Variants in MTHFD1 observed in about 807,000 individuals in gnomAD.
MTHFD1 encodes C-1-tetrahydrofolate synthase, cytoplasmic.
Under a neutral mutation model 110.3 loss-of-function variants are expected in MTHFD1, and 44 were observed. The ratio of observed to expected loss-of-function variants is 0.40; its 90% CI spans 0.31 to 0.51. The LOEUF (loss-of-function observed/expected upper bound fraction) is 0.51. Ranked by LOEUF, MTHFD1 falls within the 20% of genes least tolerant of loss-of-function variation. The pLI is 0.60. For missense variants in MTHFD1, 909 were observed against 1,173.1 expected (o/e 0.77, Z 3.29); for synonymous variants, 402 against 428.8 (o/e 0.94, Z 0.77).
chr14:64,434,860 C>T (rs1214883220), intron 15 of MTHFD1, among the ~76,000 whole-genome samples: 16 of 150,070 alleles, frequency 1.1e-4, no homozygotes, highest in Middle Eastern at 3.2e-3. Flanking sequence ...TGCTCTGTCA[C>T]CCAGGCTGTA....
chr14:64,449,785 A>G, intron 24 of MTHFD1, 163 bp downstream of exon 24: 1 of 816,852 alleles, frequency 1.2e-6, no homozygotes, highest in Non-Finnish European at 2.0e-6. Context: ...TCCCAGCTGT[A>G]GACAGCCTTC....
intron 23 of MTHFD1, chr14:64,448,610 C>G (rs2078317669): frequency 2.4e-6 from 1 of 421,902 alleles, no homozygotes. Flanking sequence ...GCCTTTTATG[C>G]TAACAGAAGG....
intron 1 of MTHFD1, among the ~76,000 whole-genome samples, chr14:64,390,796 G>A (rs1438912201): frequency 6.6e-6 from 1 of 152,132 alleles, no homozygotes; most frequent in Non-Finnish European, 1.5e-5. Context: ...CTACAGGTGT[G>A]TGCCACCCCG....
Position 64,424,940 on chromosome 14 carries a change from G to T in MTHFD1, c.855+9G>T, listed in dbSNP as rs751697441. On this transcript the variant is annotated intron_variant, in intron 9 of 27. Coordinates refer to ENST00000652337, the MANE Select transcript of MTHFD1 (RefSeq NM_005956.4). ...TTGCAATGCTCATGCAGGTAATTGT[G>T]AATAAAAGTTTCTATAAGAGTTCTG... The T allele has an allele frequency of 6.2e-7, 1 of 1,614,090 alleles. No individual in the cohort carries two copies. Among genetic ancestry groups the T allele is most frequent in the Non-Finnish European group, 8.5e-7 (1 of 1,180,018 alleles).
intron 15 of MTHFD1, among the ~76,000 whole-genome samples, chr14:64,433,756 C>T (rs1480400768): frequency 7.1e-6 from 1 of 140,744 alleles, no homozygotes; most frequent in African/African-American, 2.7e-5. Flanking sequence ...GGAGGCCAGG[C>T]GTGGTGGCTC....
chr14:64,421,949 A>G (rs2078077573), intron 8 of MTHFD1, among the ~76,000 whole-genome samples: 1 of 151,782 alleles, frequency 6.6e-6, no homozygotes, highest in East Asian at 1.9e-4. Flanking sequence ...AAAACCTCGC[A>G]TCTTCTGTAT....
chr14:64,435,116 A>G (rs2078195814), intron 15 of MTHFD1, among the ~76,000 whole-genome samples: 4 of 151,378 alleles, frequency 2.6e-5, no homozygotes, highest in Admixed American at 2.6e-4. Flanking sequence ...TGCCCAGCTA[A>G]TTTTTGTATT....
intron 1 of MTHFD1, among the ~76,000 whole-genome samples, chr14:64,397,700 A>T (rs1267345098): frequency 6.6e-6 from 1 of 152,172 alleles, no homozygotes; most frequent in Admixed American, 6.5e-5. Flanking sequence ...CTCTAAGCTT[A>T]TGGCACATTT....
chr14:64,416,905 T>C (rs1236253662), intron 6 of MTHFD1, among the ~76,000 whole-genome samples: 1 of 152,238 alleles, frequency 6.6e-6, no homozygotes, highest in Non-Finnish European at 1.5e-5. Context: ...AGTTACCTTT[T>C]AAAACTTTGA....
intron 21 of MTHFD1, among the ~76,000 whole-genome samples, chr14:64,444,440 C>T (rs1423621295): frequency 1.3e-5 from 2 of 152,114 alleles, no homozygotes; most frequent in African/African-American, 4.8e-5. Context: ...TCCACCTCTC[C>T]TGCCATCGAT....
intron 22 of MTHFD1, chr14:64,445,000 G>A (rs921230621): frequency 1.0e-5 from 5 of 499,622 alleles, no homozygotes; most frequent in African/African-American, 9.7e-5. Context: ...TTTGACCCCG[G>A]GGACATTTGG....
At chr14:64,423,918 G>A (rs1425320673) in intron 8 of MTHFD1, among the ~76,000 whole-genome samples, 3 of 151,854 alleles carry the variant, frequency 2.0e-5, no homozygotes, top group African/African-American at 7.3e-5. Flanking sequence ...TAGCAGAGAC[G>A]GGGTTTCACT....
intron 8 of MTHFD1, among the ~76,000 whole-genome samples, chr14:64,423,663 T>A (rs1243651983): frequency 6.8e-6 from 1 of 147,746 alleles, no homozygotes; most frequent in East Asian, 2.0e-4. Context: ...CCCAAAGTGC[T>A]GGCATTACAG....
intron 22 of MTHFD1, among the ~76,000 whole-genome samples, chr14:64,446,413 T>TC (rs2078289500): frequency 6.6e-6 from 1 of 152,168 alleles, no homozygotes; most frequent in Non-Finnish European, 1.5e-5. Context: ...ATTGGCCCAG[T>TC]CCCCCTTGGA....
intron 1 of MTHFD1, among the ~76,000 whole-genome samples, chr14:64,391,879 TG>T (rs995319173): frequency 1.3e-5 from 2 of 152,106 alleles, no homozygotes; most frequent in African/African-American, 4.8e-5. Context: ...AGTCTAATAG[TG>T]AACAAAACAG....
intron 18 of MTHFD1, chr14:64,440,572 C>A: frequency 2.4e-6 from 1 of 409,090 alleles, no homozygotes; most frequent in Non-Finnish European, 4.6e-6. Context: ...TCAAGAGTAC[C>A]ATTGCTTTAT....
rs150205662 is a variant in MTHFD1 at position 64,424,816 on chromosome 14, C to G, written c.740C>G (p.Pro247Arg). The G allele has an allele frequency of 8.6e-5, 139 of 1,613,978 alleles. No individual in the cohort carries two copies. In the African/African-American group the frequency reaches 1.2e-3, roughly 13 times the overall value. Residue 247 changes from proline (P) to arginine (R), a missense_variant, in exon 9 of 28, where the codon CCA becomes CGA. Coordinates refer to ENST00000652337, the MANE Select transcript of MTHFD1 (RefSeq NM_005956.4). Reference sequence around the variant, plus strand: ...CCCACTTGACCAGATGATAAAAAACCAAATGGGAGAAAAGTTGTGGGTGAT... The same window carrying G: ...CCCACTTGACCAGATGATAAAAAACGAAATGGGAGAAAAGTTGTGGGTGAT... ...GINYVPDDKK[P>R]NGRKVVGDVA...
Position 64,417,955 on chromosome 14 carries a change from T to A in MTHFD1, c.546T>A (p.His182Gln). The A allele has an allele frequency of 6.2e-7, 1 of 1,613,966 alleles. No homozygotes were observed. Among genetic ancestry groups the A allele is most frequent in the Non-Finnish European group, 8.5e-7 (1 of 1,180,010 alleles). ...GRSKIVGAPM[H>Q]DLLLWNNATV... is the part of the protein sequence containing the mutation. Reference sequence around the variant, plus strand: ...GTAAAATAGTTGGGGCCCCGATGCATGACTTGCTTCTGTGGAACAATGCCA... The same window carrying A: ...GTAAAATAGTTGGGGCCCCGATGCAAGACTTGCTTCTGTGGAACAATGCCA... The change falls in exon 7 of 28, where the codon CAT becomes CAA. Residue 182 changes from histidine to glutamine, a missense_variant. By Grantham distance (24) the His-to-Gln change is conservative (BLOSUM62 0). Around this residue, in one of 3 missense-constraint regions of MTHFD1, gnomAD observed 424 missense variants for 510.4 expected, o/e 0.83. Coordinates refer to ENST00000652337, the MANE Select transcript of MTHFD1 (RefSeq NM_005956.4). This position sits in a 1 kb window ranked among gnomAD's most constrained non-coding sequence, Gnocchi z 4.4.
At chr14:64,416,937 A>G (rs2078030196) in intron 6 of MTHFD1, among the ~76,000 whole-genome samples, 1 of 152,178 alleles carries the variant, frequency 6.6e-6, no homozygotes, top group Admixed American at 6.6e-5. Flanking sequence ...CTAGATGTTC[A>G]TGATGTTCAC....
Sources: allele counts gnomAD v4.1 joint callset (sites outside exome capture counted in the v4.1 genomes callset), GRCh38; gene constraint gnomAD v4.1.1; regional missense constraint gnomAD v4.1.1; non-coding constraint Gnocchi (gnomAD v3.1); transcripts MANE v1.5; gene names NCBI Gene and HGNC (gene_info 2026-07-23, HGNC 2026-07-21).